The following JAKMIP1 variants were observed in gnomAD, a reference collection of about 807,000 sequenced individuals.
JAKMIP1 encodes the protein janus kinase and microtubule-interacting protein 1.
Under a neutral mutation model 113.0 loss-of-function variants are expected in JAKMIP1, and 33 were observed. That is an observed-to-expected ratio of 0.29 (90% CI 0.22 to 0.39). JAKMIP1 has a LOEUF of 0.39. JAKMIP1 is among the 10% of genes least tolerant of loss of function. JAKMIP1 has a pLI of 1.00. For missense variants in JAKMIP1, 813 were observed against 1,080.5 expected, an observed-to-expected ratio of 0.75 and a Z score of 3.47; for synonymous variants, 480 against 459.9, an observed-to-expected ratio of 1.04 and a Z score of -0.56.
At chr4:6,027,514 T>A (rs1378005049) in intron 20 of JAKMIP1, among the ~76,000 whole-genome samples, 2 of 152,150 alleles carry the variant, frequency 1.3e-5, no homozygotes, top group Non-Finnish European at 2.9e-5. Flanking sequence ...GGGATAGTGG[T>A]GGCTGGAGCT....
At chr4:6,043,392 C>A (rs1714596033) in intron 16 of JAKMIP1, among the ~76,000 whole-genome samples, 1 of 152,042 alleles carries the variant, frequency 6.6e-6, no homozygotes, top group African/African-American at 2.4e-5. Context: ...TCACCCCGCA[C>A]TCGTGAGGTC....
intron 1 of JAKMIP1, among the ~76,000 whole-genome samples, chr4:6,172,008 C>A (rs1724786035): frequency 6.6e-6 from 1 of 152,152 alleles, no homozygotes; most frequent in Non-Finnish European, 1.5e-5. Context: ...CATCTTCCCA[C>A]AAGCTCCCCC....
At chr4:6,056,409 T>A (rs529092105) in intron 12 of JAKMIP1, among the ~76,000 whole-genome samples, 1 of 152,358 alleles carries the variant, frequency 6.6e-6, no homozygotes, top group African/African-American at 2.4e-5. Flanking sequence ...CCTCCCCATT[T>A]CTGCAGAGTG....
chr4:6,029,151 G>A (rs1364362631), intron 20 of JAKMIP1, among the ~76,000 whole-genome samples: 7 of 152,212 alleles, frequency 4.6e-5, no homozygotes, highest in Non-Finnish European at 1.0e-4. Flanking sequence ...CTAGCTGTGG[G>A]ACCATGGACA....
chr4:6,098,908 T>A (rs1266888142), intron 3 of JAKMIP1, among the ~76,000 whole-genome samples: 1 of 152,242 alleles, frequency 6.6e-6, no homozygotes, highest in Non-Finnish European at 1.5e-5. Context: ...TTAAACTTCA[T>A]GTGAGTAAAA....
chr4:6,195,851 G>T (rs1727771527), intron 1 of JAKMIP1, among the ~76,000 whole-genome samples: 1 of 152,218 alleles, frequency 6.6e-6, no homozygotes. Flanking sequence ...GCTCAGTTCT[G>T]CCAGTCTGGC....
rs747033862 is a variant in JAKMIP1, at chr4:6,029,780, C to A, written c.2381G>T (p.Arg794Ile). 6.3e-7 allele frequency: 1 copy of A among 1,598,804 alleles called. No individual in the cohort carries two copies. Among genetic ancestry groups the A allele is most frequent in the East Asian group, 2.2e-5 (1 of 44,668 alleles). ...RMELLQQAQQ[R>I]IRELEDKLEF... Reference sequence around the variant, plus strand: ...CAGTTTGTCCTCCAGTTCTCGGATTCTCTGAAATACACCAGGTTACGTGTC... The same window carrying A: ...CAGTTTGTCCTCCAGTTCTCGGATTATCTGAAATACACCAGGTTACGTGTC... Residue 794 changes from arginine (R) to isoleucine (I), a missense_variant and splice_region_variant, in exon 20 of 21, where the codon AGA becomes ATA. Around this residue, in one of 2 missense-constraint regions of JAKMIP1, gnomAD observed 273 missense variants for 426.6 expected, o/e 0.64. Coordinates refer to ENST00000409021, the MANE Select transcript of JAKMIP1 (RefSeq NM_001099433.2).
At chr4:6,110,430 T>C (rs1292365215) in intron 2 of JAKMIP1, among the ~76,000 whole-genome samples, 1 of 151,466 alleles carries the variant, frequency 6.6e-6, no homozygotes, top group Non-Finnish European at 1.5e-5. Flanking sequence ...GCCCTATCTG[T>C]GGGACTTGGT....
chr4:6,033,354 G>A (rs1319215546), intron 19 of JAKMIP1, among the ~76,000 whole-genome samples: 1 of 152,220 alleles, frequency 6.6e-6, no homozygotes, highest in African/African-American at 2.4e-5. Context: ...CAGAGCACCT[G>A]GTTGTGTTAG....
At chr4:6,163,020 G>A (rs1723150398) in intron 1 of JAKMIP1, among the ~76,000 whole-genome samples, 1 of 152,202 alleles carries the variant, frequency 6.6e-6, no homozygotes, top group Admixed American at 6.5e-5. Context: ...TCCAGCTTCA[G>A]GGTTTGACAT....
chr4:6,152,789 A>AATATATATATAT (rs35192547), intron 1 of JAKMIP1, among the ~76,000 whole-genome samples: 1,843 of 135,138 alleles, frequency 0.014, 49 homozygotes, highest in African/African-American at 0.049. Flanking sequence ...TAAAAATACA[A>AATATATATATAT]ATATATATAT....
intron 12 of JAKMIP1, among the ~76,000 whole-genome samples, chr4:6,056,198 C>A (rs1716421764): frequency 6.6e-6 from 1 of 151,062 alleles, no homozygotes; most frequent in African/African-American, 2.4e-5. Flanking sequence ...ACCTGTCCTC[C>A]CCATTTCTCC....
In JAKMIP1 at chr4:6,112,783, T is replaced by C. The variant is rs954444381; in HGVS notation, c.68A>G (p.Asn23Ser). Residue 23 changes from asparagine (N) to serine (S), a missense_variant, in exon 2 of 21, where the codon AAC becomes AGC. Around this residue, in one of 2 missense-constraint regions of JAKMIP1, gnomAD observed 540 missense variants for 653.9 expected, o/e 0.83. Transcript: ENST00000409021. ...GGTCAGCTTGGCCCGCAGCTCCTCGTTGGCCATCTGCACCGCGTCCGTCTC... is the reference window on the plus strand; with the variant it reads ...GGTCAGCTTGGCCCGCAGCTCCTCGCTGGCCATCTGCACCGCGTCCGTCTC... ...EMETDAVQMANEELRAKLTSI... is the reference protein window; with the variant it reads ...EMETDAVQMASEELRAKLTSI... The C allele has an allele frequency of 2.5e-6, 4 of 1,614,018 alleles. No homozygotes were observed. In the African/African-American group the frequency reaches 5.3e-5, roughly 22 times the overall value.
rs1726800778 is a variant in JAKMIP1 at position 6,187,715 on chromosome 4, G to C, written c.-148+12538C>G. ...AGAAATAAATTTCTATTGTTTATAA[G>C]CTATCCAGTCTAAGGTGTTTTGTTA... On this transcript the variant is annotated intron_variant, in intron 1 of 20. Transcript: ENST00000409021. This position sits in a 1 kb window ranked among gnomAD's most constrained non-coding sequence, Gnocchi z 4.2. Among the ~76,000 whole-genome samples, 1 of 152,338 alleles carries C rather than the reference G, an allele frequency of 6.6e-6. No homozygotes were observed. The highest frequency in any genetic ancestry group is 2.1e-4 in the South Asian group (1 of 4,828).
rs1726829188 is a variant in JAKMIP1 at position 6,187,959 on chromosome 4, C to T, written c.-148+12294G>A. On this transcript the variant is annotated intron_variant, in intron 1 of 20. Transcript: ENST00000409021. The surrounding 1 kb of genome is among the most constrained non-coding windows in gnomAD (Gnocchi z 4.2). ...CTTCTTTTGCACTAAATGAATCAGA[C>T]ACCGTGTTTGCCATGTAAGTCAGGA... is the stretch of plus-strand genomic sequence containing the variant. 6.6e-6 allele frequency among the ~76,000 whole-genome samples: 1 copy of T among 152,188 alleles called. No homozygotes were observed. The highest frequency in any genetic ancestry group is 1.5e-5 in the Non-Finnish European group (1 of 68,034).
chr4:6,132,677 A>T (rs1398131175), intron 1 of JAKMIP1, among the ~76,000 whole-genome samples: 1 of 151,840 alleles, frequency 6.6e-6, no homozygotes, highest in Admixed American at 6.6e-5. Flanking sequence ...GCAGAAAAGG[A>T]GTAGAAGACA....
rs1725619329 is a variant in JAKMIP1, at chr4:6,178,325, G to A, written c.-148+21928C>T. On this transcript the variant is annotated intron_variant, in intron 1 of 20. Coordinates refer to ENST00000409021, the MANE Select transcript of JAKMIP1 (RefSeq NM_001099433.2). The surrounding 1 kb of genome is among the most constrained non-coding windows in gnomAD (Gnocchi z 5.5). ...CACCCAAATCTCCTCTTGAATTGTA[G>A]TTCCCATAATCCCCATGTGTGGTGG... is the stretch of plus-strand genomic sequence containing the variant. 6.6e-6 allele frequency among the ~76,000 whole-genome samples: 1 copy of A among 152,144 alleles called. No individual in the cohort carries two copies. Among genetic ancestry groups the A allele is most frequent in the Non-Finnish European group, 1.5e-5 (1 of 68,038 alleles).
rs186432445 is a variant in JAKMIP1, at chr4:6,088,606, C to T, written c.625-2977G>A. 1.6e-4 allele frequency among the ~76,000 whole-genome samples: 25 copies of T among 152,284 alleles called. No individual in the cohort carries two copies. The East Asian group carries it at 4.4e-3, about 27-fold the overall frequency. ...AAACAGCAGAGATGGCATCTAGAAA[C>T]GGACGGAGGGCCAATGCAGAACACA... On this transcript the variant is annotated intron_variant, in intron 3 of 20. Transcript: ENST00000409021. This position sits in a 1 kb window ranked among gnomAD's most constrained non-coding sequence, Gnocchi z 5.5.
Position 6,042,747 on chromosome 4 carries a change from C to G in JAKMIP1, c.2029-520G>C, listed in dbSNP as rs1399139198. Among the ~76,000 whole-genome samples, 1 of 152,108 alleles carries G rather than the reference C, an allele frequency of 6.6e-6. No homozygotes were observed. Among genetic ancestry groups the G allele is most frequent in the Non-Finnish European group, 1.5e-5 (1 of 68,028 alleles). On this transcript the variant is annotated intron_variant, in intron 16 of 20. Transcript: ENST00000409021. The surrounding 1 kb of genome is among the most constrained non-coding windows in gnomAD (Gnocchi z 5.2). The stretch of plus-strand genomic sequence containing the variant: ...TGCAGGATGCCAAAGCCACTGCCCT[C>G]ATCCCTCCAGCAACGTGAGTTGGAG...
Sources: allele counts gnomAD v4.1 joint callset (sites outside exome capture counted in the v4.1 genomes callset), GRCh38; gene constraint gnomAD v4.1.1; regional missense constraint gnomAD v4.1.1; non-coding constraint Gnocchi (gnomAD v3.1); transcripts MANE v1.5; gene names NCBI Gene and HGNC (gene_info 2026-07-23, HGNC 2026-07-21).